ENDOD1: variants seen among roughly 807,000 people sequenced by gnomAD.
ENDOD1 encodes the protein endonuclease domain-containing 1 protein.
ENDOD1 carries 9 observed loss-of-function variants against 6.5 expected under a neutral mutation model. That is an observed-to-expected ratio of 1.39 (90% CI 0.84 to 2.43). The LOEUF (loss-of-function observed/expected upper bound fraction) is 2.43. Ranked by LOEUF, ENDOD1 falls within the 30% of genes most tolerant of loss-of-function variation. The pLI, the probability that ENDOD1 is intolerant of heterozygous loss-of-function variation, is 0.00. For missense variants in ENDOD1, 648 were observed against 635.5 expected (o/e 1.02, Z -0.21); for synonymous variants, 255 against 255.2 (o/e 1.00, Z 0.01).
chr11:95,122,589 T>TACACACACACAC (rs55940348), intron 1 of ENDOD1, among the ~76,000 whole-genome samples: 2,116 of 142,770 alleles, frequency 0.015, 31 homozygotes, highest in East Asian at 0.05. Context: ...GCATTTAAGT[T>TACACACACACAC]ACACACACAC....
At position 95,132,170 on chromosome 11, in the gene ENDOD1, T is replaced by C. The variant is rs586421; in HGVS notation, c.*2591T>C. ...CTTGGGATTAGCCTCTTCCTCATTA[T>C]GGAGCTGATTTTCTAGTCTGTGGAT... On this transcript the variant is annotated 3_prime_UTR_variant, in exon 2 of 2. Transcript: ENST00000278505. 0.47 allele frequency: 71,909 copies of C among 152,510 alleles called. 17,410 individuals are homozygous for C. Among genetic ancestry groups the C allele is most frequent in the East Asian group, 0.77 (3,995 of 5,176 alleles). The allele number at this position is 152,510 out of a possible 1,614,324, so 9.4% of individuals were successfully genotyped here.
At chr11:95,107,474 T>G (rs1555111527) in intron 1 of ENDOD1, among the ~76,000 whole-genome samples, 2 of 152,140 alleles carry the variant, frequency 1.3e-5, no homozygotes, top group African/African-American at 4.8e-5. Flanking sequence ...AAATGGAGCC[T>G]TCTCAATGTA....
rs530822820 is a variant in ENDOD1 at position 95,108,225 on chromosome 11, G to A, written c.300+17998G>A. 1.1e-4 allele frequency among the ~76,000 whole-genome samples: 17 copies of A among 152,228 alleles called. No individual in the cohort carries two copies. The South Asian group carries it at 2.3e-3, about 20-fold the overall frequency. ...AAGTAGAACACCCACCCTTTCGAAC[G>A]TTTTATCTTCCGTTCCACCGTCTTC... is the stretch of plus-strand genomic sequence containing the variant. On this transcript the variant is annotated intron_variant, in intron 1 of 1. Transcript: ENST00000278505.
intron 1 of ENDOD1, among the ~76,000 whole-genome samples, chr11:95,103,747 G>A (rs190717610): frequency 5.9e-5 from 9 of 152,318 alleles, no homozygotes; most frequent in Admixed American, 5.2e-4. Flanking sequence ...CCCATCTGTG[G>A]CATGGGACTA....
intron 1 of ENDOD1, among the ~76,000 whole-genome samples, chr11:95,107,136 G>A (rs374556437): frequency 1.4e-4 from 22 of 152,018 alleles, no homozygotes; most frequent in African/African-American, 4.3e-4. Flanking sequence ...ATCACCTGGG[G>A]AAATTTAAAA....
Position 95,129,873 on chromosome 11 carries a change from T to C in ENDOD1, c.*294T>C. On this transcript the variant is annotated 3_prime_UTR_variant, in exon 2 of 2. Transcript: ENST00000278505. ...CAGACGACCACCTGAAATGCACTGG[T>C]ATTTATTTCTGATAATTAAAAATTA... is the stretch of plus-strand genomic sequence containing the variant. 4.1e-6 allele frequency: 1 copy of C among 246,438 alleles called. No individual in the cohort carries two copies. Among genetic ancestry groups the C allele is most frequent in the Non-Finnish European group, 7.8e-6 (1 of 127,984 alleles). 15.3% of individuals were successfully genotyped at this position (246,438 alleles called of 1,614,324 possible).
At chr11:95,128,348 G>A (rs777722808) in intron 1 of ENDOD1, 29 bp from the exon 2 acceptor site, 3 of 1,592,980 alleles carry the variant, frequency 1.9e-6, no homozygotes, top group South Asian at 1.2e-5. Flanking sequence ...AAGCAGGGAT[G>A]CATCTCACCA....
At position 95,132,445 on chromosome 11, in the gene ENDOD1, C is replaced by T. The variant is rs1859379790; in HGVS notation, c.*2866C>T. On this transcript the variant is annotated 3_prime_UTR_variant, in exon 2 of 2. Transcript: ENST00000278505. Reference sequence around the variant, plus strand: ...AACCTAGTGGAGAGAACACATGGTACAATCGTAACACATGAAGGACAAGTA... The same window carrying T: ...AACCTAGTGGAGAGAACACATGGTATAATCGTAACACATGAAGGACAAGTA... 1 of 152,220 alleles carries T rather than the reference C, an allele frequency of 6.6e-6. No individual in the cohort carries two copies. The highest frequency in any genetic ancestry group is 1.5e-5 in the Non-Finnish European group (1 of 68,014). The allele number at this position is 152,220 out of a possible 1,614,324, so 9.4% of individuals were successfully genotyped here. A position where few individuals can be genotyped will look rare whatever the true frequency, so the allele number is the denominator to read the frequency against.
rs1371081721 is a variant in ENDOD1 at position 95,113,328 on chromosome 11, G to T, written c.301-15049G>T. On this transcript the variant is annotated intron_variant, in intron 1 of 1. Coordinates refer to ENST00000278505, the MANE Select transcript of ENDOD1 (RefSeq NM_015036.3). ...ACCCTATTGTGCTATCAAATACTGG[G>T]TCTTATTTATTATTCTTTCTTTCTA... 2.6e-5 allele frequency among the ~76,000 whole-genome samples: 4 copies of T among 152,066 alleles called. No homozygotes were observed. In the South Asian group the frequency reaches 6.2e-4, roughly 24 times the overall value.
intron 1 of ENDOD1, among the ~76,000 whole-genome samples, chr11:95,114,172 C>T (rs1278709521): frequency 6.6e-6 from 1 of 152,020 alleles, no homozygotes; most frequent in Non-Finnish European, 1.5e-5. Context: ...ACTCTGATGC[C>T]CAGGCACAAT....
At chr11:95,095,043 GCACACACACACA>G (rs56010766) in intron 1 of ENDOD1, among the ~76,000 whole-genome samples, 1 of 147,902 alleles carries the variant, frequency 6.8e-6, no homozygotes, top group Non-Finnish European at 1.5e-5. Flanking sequence ...GCGTGTGCAC[GCACACACACACA>G]CACACACACA....
At chr11:95,119,080 A>G (rs1859238274) in intron 1 of ENDOD1, among the ~76,000 whole-genome samples, 1 of 152,134 alleles carries the variant, frequency 6.6e-6, no homozygotes, top group African/African-American at 2.4e-5. Context: ...CTGTGTTATC[A>G]TGAATTTCTT....
At chr11:95,104,718 A>T (rs902757129) in intron 1 of ENDOD1, among the ~76,000 whole-genome samples, 11 of 152,204 alleles carry the variant, frequency 7.2e-5, no homozygotes, top group Non-Finnish European at 1.2e-4. Context: ...GGGAAAAGAG[A>T]TACACACTGA....
intron 1 of ENDOD1, among the ~76,000 whole-genome samples, chr11:95,109,151 G>A (rs1175729136): frequency 1.3e-5 from 2 of 152,174 alleles, no homozygotes; most frequent in African/African-American, 4.8e-5. Context: ...TTGTCCCCAC[G>A]GAGTTGGATA....
intron 1 of ENDOD1, among the ~76,000 whole-genome samples, chr11:95,112,006 C>G (rs1173883326): frequency 6.6e-6 from 1 of 152,228 alleles, no homozygotes; most frequent in Admixed American, 6.5e-5. Context: ...GCTGCAGTCT[C>G]CTGTTGCTCA....
In ENDOD1 at chr11:95,128,600, A is replaced by C; in HGVS notation, c.524A>C (p.Tyr175Ser). The change falls in exon 2 of 2, where the codon TAT (tyrosine) becomes TCT (serine). Residue 175 changes from tyrosine to serine, a missense_variant. By Grantham distance (144) the Tyr-to-Ser change is moderately radical (BLOSUM62 -2). Coordinates refer to ENST00000278505, the MANE Select transcript of ENDOD1 (RefSeq NM_015036.3). ...ACTCAGTCCTTCCAGGAACGGTGGT[A>C]TGTGAATCTCCACAGCCTAATGGAC... ...PMTQSFQERWYVNLHSLMDRA... is the reference protein window; with the variant it reads ...PMTQSFQERWSVNLHSLMDRA... The C allele has an allele frequency of 1.9e-6, 3 of 1,614,220 alleles. No homozygotes were observed. The highest frequency in any genetic ancestry group is 2.5e-6 in the Non-Finnish European group (3 of 1,180,034).
At chr11:95,123,618 A>G (rs1337034977) in intron 1 of ENDOD1, among the ~76,000 whole-genome samples, 1 of 151,894 alleles carries the variant, frequency 6.6e-6, no homozygotes, top group African/African-American at 2.4e-5. Flanking sequence ...TAAGCAAAGC[A>G]GATACATTTT....
rs781813418 is a variant in ENDOD1 at position 95,090,188 on chromosome 11, G to C, written c.261G>C (p.Ala87=). The C allele has an allele frequency of 1.4e-6, 2 of 1,417,568 alleles. No homozygotes were observed. The highest frequency in any genetic ancestry group is 3.0e-5 in the African/African-American group (2 of 67,686). The allele number at this position is 1,417,568 out of a possible 1,614,324, so 87.8% of individuals were successfully genotyped here. ...CCGCGTTCCGCGCCCCGCGCCCTGC[G>C]CCCGGCGGCGCCGAGCAGCGATGGC... ...VYSAFRAPRP[A]PGGAEQRWLV... is the part of the protein sequence containing the mutation. The change falls in exon 1 of 2, where the codon GCG becomes GCC. Residue 87 remains alanine (A), a synonymous_variant. Transcript: ENST00000278505.
rs1479453549 is a variant in ENDOD1, at chr11:95,128,784, T to A, written c.708T>A (p.Phe236Leu). ...AVPGGGWAMG[F>L]VKHTRDSDII... is the part of the protein sequence containing the mutation. ...CTGGAGGAGGCTGGGCCATGGGCTT[T>A]GTCAAGCACACCCGGGACAGTGACA... The change falls in exon 2 of 2, where the codon TTT (phenylalanine) becomes TTA (leucine). Residue 236 changes from phenylalanine (F) to leucine (L), a missense_variant. Phe to Leu is a conservative substitution (Grantham distance 22). Transcript: ENST00000278505. 2 of 1,614,070 alleles carry A rather than the reference T, an allele frequency of 1.2e-6. No homozygotes were observed. The highest frequency in any genetic ancestry group is 3.3e-5 in the Admixed American group (2 of 60,004).
Sources: gnomAD v4.1 joint callset for allele counts (sites outside exome capture counted in the v4.1 genomes callset) on GRCh38, gnomAD v4.1.1 for gene constraint, MANE v1.5 for transcripts, NCBI Gene and HGNC (gene_info 2026-07-23, HGNC 2026-07-21) for gene names.